Variants in PDE7A observed in about 807,000 individuals in gnomAD.
The protein encoded by PDE7A is phosphodiesterase 7A.
In PDE7A, 39 loss-of-function variants were observed where a neutral mutation model predicts 64.3. That is an observed-to-expected ratio of 0.61 (90% CI 0.47 to 0.79). The LOEUF (loss-of-function observed/expected upper bound fraction) is 0.79, where lower values mean the gene tolerates loss of function less well. PDE7A is among the 30% of genes least tolerant of loss of function. The probability of loss-of-function intolerance (pLI) is 0.00; values close to 1 mark genes in which losing one functional copy is unlikely to be tolerated. For missense variants in PDE7A, 470 were observed against 582.8 expected, an observed-to-expected ratio of 0.81 and a Z score of 1.99; for synonymous variants, 203 against 206.8, an observed-to-expected ratio of 0.98 and a Z score of 0.16.
intron 1 of PDE7A, among the ~76,000 whole-genome samples, chr8:65,832,040 T>C (rs1810839547): frequency 2.0e-5 from 3 of 152,214 alleles, no homozygotes; most frequent in African/African-American, 7.2e-5. Flanking sequence ...GATATGTATG[T>C]ATTCTGTTAT....
chr8:65,726,976 AGGAC>A lies in PDE7A; in HGVS notation c.829-14_829-11del. 1 of 1,501,696 alleles carries A rather than the reference AGGAC, an allele frequency of 6.7e-7. No homozygotes were observed. Among genetic ancestry groups the A allele is most frequent in the Non-Finnish European group, 9.3e-7 (1 of 1,079,546 alleles). The allele number at this position is 1,501,696 out of a possible 1,614,324, so 93.0% of individuals were successfully genotyped here. On this transcript the variant is annotated splice_polypyrimidine_tract_variant and intron_variant, in intron 8 of 12. Transcript: ENST00000401827. ...CCAGTACTGAGGTATTCTACAACAA[AGGAC>A]GTTTCTGAGTTACTTAATGATACGT...
At chr8:65,804,880 C>T (rs764418181) in intron 1 of PDE7A, among the ~76,000 whole-genome samples, 2 of 152,048 alleles carry the variant, frequency 1.3e-5, no homozygotes, top group Non-Finnish European at 2.9e-5. Flanking sequence ...CTCTGTCACC[C>T]AAGCTGGAGT....
At chr8:65,770,489 T>A (rs935621968) in intron 3 of PDE7A, among the ~76,000 whole-genome samples, 19 of 152,176 alleles carry the variant, frequency 1.2e-4, no homozygotes, top group Non-Finnish European at 1.2e-4. Context: ...ACTGCCCTGA[T>A]GATTCAATTA....
chr8:65,751,427 C>T (rs1807949373), intron 3 of PDE7A, among the ~76,000 whole-genome samples: 1 of 151,942 alleles, frequency 6.6e-6, no homozygotes, highest in African/African-American at 2.4e-5. Flanking sequence ...AAGCCCTACC[C>T]CAAAATGGTA....
At chr8:65,794,693 G>T (rs1809792333) in intron 1 of PDE7A, among the ~76,000 whole-genome samples, 1 of 152,130 alleles carries the variant, frequency 6.6e-6, no homozygotes, top group South Asian at 2.1e-4. Flanking sequence ...ATATAACATT[G>T]CAAAAGAGAG....
intron 3 of PDE7A, among the ~76,000 whole-genome samples, chr8:65,754,688 TGGGCACAG>T (rs1433164395): frequency 9.5e-5 from 14 of 147,762 alleles, no homozygotes; most frequent in Non-Finnish European, 1.9e-4. Flanking sequence ...TCCATTAGGC[TGGGCACAG>T]TGGCTCACGC....
At chr8:65,832,657 A>AAAATTTTTT (rs1343915431) in intron 1 of PDE7A, among the ~76,000 whole-genome samples, 1 of 152,044 alleles carries the variant, frequency 6.6e-6, no homozygotes, top group Non-Finnish European at 1.5e-5. Context: ...GCTAATTTTT[A>AAAATTTTTT]AAATTTTTTT....
At chr8:65,725,047 T>A (rs1806553346) in intron 9 of PDE7A, 126 bp from the exon 10 acceptor site, 2 of 497,870 alleles carry the variant, frequency 4.0e-6, no homozygotes, top group Non-Finnish European at 3.3e-6. Context: ...TCATTCAATT[T>A]AAAATTTATC....
intron 1 of PDE7A, among the ~76,000 whole-genome samples, chr8:65,803,576 G>A (rs1040716239): frequency 2.0e-5 from 3 of 152,280 alleles, no homozygotes; most frequent in African/African-American, 4.8e-5. Flanking sequence ...AATAGGTGGT[G>A]TTTAATCTTT....
At chr8:65,838,980 G>C (rs1034145709) in intron 1 of PDE7A, among the ~76,000 whole-genome samples, 1 of 152,174 alleles carries the variant, frequency 6.6e-6, no homozygotes, top group Non-Finnish European at 1.5e-5. Context: ...TCCAAACCAA[G>C]TTTTGGATAA....
At chr8:65,749,063 T>C (rs1563486236) in intron 3 of PDE7A, among the ~76,000 whole-genome samples, 1 of 152,176 alleles carries the variant, frequency 6.6e-6, no homozygotes. Context: ...GCTGTCACCT[T>C]CCCTGGGAAG....
intron 1 of PDE7A, among the ~76,000 whole-genome samples, chr8:65,840,397 T>C (rs1044093031): frequency 1.3e-4 from 15 of 118,844 alleles, no homozygotes; most frequent in Non-Finnish European, 2.2e-4. Context: ...CCACACTACC[T>C]GCACACACAC....
At position 65,714,717 on chromosome 8, in the gene PDE7A, T is replaced by G. The variant is rs1276399785; in HGVS notation, c.*4573A>C. On this transcript the variant is annotated 3_prime_UTR_variant, in exon 13 of 13. Coordinates refer to ENST00000401827, the MANE Select transcript of PDE7A (RefSeq NM_001242318.3). ...CAACATTTATACATTAAAATATTTA[T>G]ACATGCTTGAAAACACTGGAAATAC... The G allele has an allele frequency of 1.3e-5, 2 of 152,198 alleles. No homozygotes were observed. The highest frequency in any genetic ancestry group is 2.9e-5 in the Non-Finnish European group (2 of 68,030). The allele number at this position is 152,198 out of a possible 1,614,324, so 9.4% of individuals were successfully genotyped here. A position where few individuals can be genotyped will look rare whatever the true frequency, so the allele number is the denominator to read the frequency against.
intron 1 of PDE7A, among the ~76,000 whole-genome samples, chr8:65,810,373 G>C (rs1810231109): frequency 1.3e-5 from 2 of 151,914 alleles, no homozygotes; most frequent in Admixed American, 6.6e-5. Flanking sequence ...GGGAGGGATA[G>C]CATTAGAAGA....
Position 65,724,318 on chromosome 8 carries a change from A to G in PDE7A, c.1099T>C (p.Cys367Arg), listed in dbSNP as rs1404879337. 6.2e-7 allele frequency: 1 copy of G among 1,612,832 alleles called. No homozygotes were observed. The highest frequency in any genetic ancestry group is 8.5e-7 in the Non-Finnish European group (1 of 1,179,078). ...TGCTTGCTTAATTCCCACGTCCGAC[A>G]TGGGTTACAAATATCAGCACATTTC... ...ALKCADICNP[C>R]RTWELSKQWS... The change falls in exon 11 of 13, where the codon TGT (cysteine) becomes CGT (arginine). Residue 367 changes from cysteine to arginine, a missense_variant. Cys to Arg is a radical substitution (Grantham distance 180). Coordinates refer to ENST00000401827, the MANE Select transcript of PDE7A (RefSeq NM_001242318.3).
chr8:65,733,529 C>T (rs915892877), intron 7 of PDE7A, among the ~76,000 whole-genome samples: 1 of 152,016 alleles, frequency 6.6e-6, no homozygotes. Flanking sequence ...AATTAGCTGG[C>T]CTCCAGCTTG....
intron 3 of PDE7A, among the ~76,000 whole-genome samples, chr8:65,772,346 T>C (rs2128921179): frequency 6.6e-6 from 1 of 152,348 alleles, no homozygotes; most frequent in South Asian, 2.1e-4. Flanking sequence ...TTTAATTCTA[T>C]ACAAGGTAGA....
chr8:65,744,935 T>C (rs968830561), intron 5 of PDE7A, among the ~76,000 whole-genome samples: 4 of 152,174 alleles, frequency 2.6e-5, no homozygotes, highest in African/African-American at 9.7e-5. Flanking sequence ...CTGATATGGT[T>C]TGGCTGTGTC....
chr8:65,824,886 G>A (rs1448826421), intron 1 of PDE7A, among the ~76,000 whole-genome samples: 1 of 152,150 alleles, frequency 6.6e-6, no homozygotes, highest in Non-Finnish European at 1.5e-5. Context: ...GTGATAGTCT[G>A]AACCCACAAT....
Sources: gnomAD v4.1 joint callset for allele counts (sites outside exome capture counted in the v4.1 genomes callset) on GRCh38, gnomAD v4.1.1 for gene constraint, MANE v1.5 for transcripts, NCBI Gene and HGNC (gene_info 2026-07-23, HGNC 2026-07-21) for gene names.